PIP5K1B: variants seen among roughly 807,000 people sequenced by gnomAD.
PIP5K1B encodes phosphatidylinositol-4-phosphate 5-kinase type 1 beta.
A neutral mutation model predicts 67.0 loss-of-function variants in PIP5K1B; 42 were observed. The ratio of observed to expected loss-of-function variants is 0.63; its 90% CI spans 0.49 to 0.81. PIP5K1B has a LOEUF of 0.81. Ranked by LOEUF, PIP5K1B falls within the 30% of genes least tolerant of loss-of-function variation. The pLI is 0.00. For synonymous variants in PIP5K1B, 214 were observed against 231.4 expected (o/e 0.92, Z 0.68); for missense variants, 459 against 646.3 (o/e 0.71, Z 3.14).
At chr9:68,847,234 G>A (rs1822236779) in intron 4 of PIP5K1B, among the ~76,000 whole-genome samples, 1 of 151,336 alleles carries the variant, frequency 6.6e-6, no homozygotes, top group South Asian at 2.1e-4. Context: ...GAGGTCAGTT[G>A]GTGGGATGAA....
At chr9:68,892,761 A>C (rs1824862714) in intron 7 of PIP5K1B, among the ~76,000 whole-genome samples, 1 of 152,210 alleles carries the variant, frequency 6.6e-6, no homozygotes, top group African/African-American at 2.4e-5. Context: ...GTAAATAAAC[A>C]TGACCACATC....
chr9:68,980,337 C>G (rs1228286946), intron 14 of PIP5K1B, among the ~76,000 whole-genome samples: 3 of 152,206 alleles, frequency 2.0e-5, no homozygotes, highest in Non-Finnish European at 4.4e-5. Context: ...GTCTTTGCAG[C>G]CATTAAGTGA....
chr9:68,830,747 G>T (rs1587520042), intron 4 of PIP5K1B, among the ~76,000 whole-genome samples: 1 of 152,212 alleles, frequency 6.6e-6, no homozygotes, highest in Admixed American at 6.5e-5. Flanking sequence ...GGAGGTTGGG[G>T]TGTTCAGTGT....
chr9:68,889,165 T>C (rs1042456198), intron 7 of PIP5K1B, 32 bp downstream of exon 7: 19 of 1,545,426 alleles, frequency 1.2e-5, no homozygotes, highest in Non-Finnish European at 1.5e-5. Flanking sequence ...ATGCTTCTAC[T>C]TGAAGTTTAA....
chr9:68,913,799 G>A (rs1825962720), intron 8 of PIP5K1B, among the ~76,000 whole-genome samples: 1 of 152,030 alleles, frequency 6.6e-6, no homozygotes, highest in African/African-American at 2.4e-5. Context: ...GAAGAGTACA[G>A]AGGAGATGAA....
chr9:68,822,974 C>T (rs565937315), intron 4 of PIP5K1B, among the ~76,000 whole-genome samples: 4 of 152,176 alleles, frequency 2.6e-5, no homozygotes, highest in South Asian at 2.1e-4. Flanking sequence ...TTGTCTTTTC[C>T]GGCTTCTAGA....
At position 68,937,163 on chromosome 9, in the gene PIP5K1B, T is replaced by C. The variant is rs563021216; in HGVS notation, c.1357+2118T>C. On this transcript the variant is annotated intron_variant, in intron 13 of 15. Coordinates refer to ENST00000265382, the MANE Select transcript of PIP5K1B (RefSeq NM_003558.4). ...GAGGATTCCCCCTTTTTCTATTGTT[T>C]GGAATAGTTTCAGAAGAAATGGTAT... Among the ~76,000 whole-genome samples the C allele has an allele frequency of 3.9e-5, 6 of 152,340 alleles. No individual in the cohort carries two copies. The South Asian group carries it at 1.0e-3, about 26-fold the overall frequency.
rs117534125 is a variant in PIP5K1B, at chr9:68,962,973, C to A, written c.1502+22183C>A. On this transcript the variant is annotated intron_variant, in intron 14 of 15. Transcript: ENST00000265382. ...CTCCAGTCTCTAAAACCTTATGATTCTGTTTCTTTCTCAACTTAAAATGCC... is the reference window on the plus strand; with the variant it reads ...CTCCAGTCTCTAAAACCTTATGATTATGTTTCTTTCTCAACTTAAAATGCC... 5.2e-3 allele frequency among the ~76,000 whole-genome samples: 786 copies of A among 152,282 alleles called. 3 individuals are homozygous for A. The highest frequency in any genetic ancestry group is 8.9e-3 in the Admixed American group (136 of 15,302).
rs143589137 is a variant in PIP5K1B, at chr9:68,706,711, G to A, written c.-243+949G>A. Among the ~76,000 whole-genome samples, 225 of 152,226 alleles carry A rather than the reference G, an allele frequency of 1.5e-3. 1 individual carries two copies. The highest frequency in any genetic ancestry group is 4.0e-3 in the South Asian group (19 of 4,810). On this transcript the variant is annotated intron_variant, in intron 1 of 15. Coordinates refer to ENST00000265382, the MANE Select transcript of PIP5K1B (RefSeq NM_003558.4). ...ATGCAGGAGGCCCTAGCTTTAAGGGGAATGATCCTTAAGGGACCGGTAGGA... is the reference window on the plus strand; with the variant it reads ...ATGCAGGAGGCCCTAGCTTTAAGGGAAATGATCCTTAAGGGACCGGTAGGA...
At position 68,790,565 on chromosome 9, in the gene PIP5K1B, TG is replaced by T. The variant is rs1325504132; in HGVS notation, c.-85-27895del. On this transcript the variant is annotated intron_variant, in intron 2 of 15. Transcript: ENST00000265382. ...CAGATAATGTCAAATAATTGGGTCT[TG>T]TGTATGTACACCCAAACGCACATGA... 2.0e-4 allele frequency among the ~76,000 whole-genome samples: 30 copies of T among 151,982 alleles called. 1 individual carries two copies. The highest frequency in any genetic ancestry group is 6.8e-4 in the African/African-American group (28 of 41,398).
At chr9:68,825,814 G>T (rs1215053279) in intron 4 of PIP5K1B, among the ~76,000 whole-genome samples, 1 of 152,192 alleles carries the variant, frequency 6.6e-6, no homozygotes, top group Non-Finnish European at 1.5e-5. Context: ...AACCAATGTT[G>T]TTAGAATTAA....
intron 14 of PIP5K1B, among the ~76,000 whole-genome samples, chr9:68,955,202 A>G (rs186333971): frequency 1.1e-4 from 16 of 152,332 alleles, no homozygotes; most frequent in Admixed American, 2.6e-4. Context: ...AAAATGTTTC[A>G]TAATTATCCA....
chr9:68,724,407 G>GT (rs1005538051), intron 1 of PIP5K1B, among the ~76,000 whole-genome samples: 6 of 151,754 alleles, frequency 4.0e-5, no homozygotes, highest in Admixed American at 2.6e-4. Flanking sequence ...TTTTAGGATT[G>GT]TTTTTTCTAT....
chr9:68,810,634 G>T (rs1298752639), intron 2 of PIP5K1B, among the ~76,000 whole-genome samples: 1 of 152,120 alleles, frequency 6.6e-6, no homozygotes, highest in Non-Finnish European at 1.5e-5. Flanking sequence ...AAAATACTGA[G>T]TTTTATGGCC....
At chr9:68,918,978 C>T (rs994551986) in intron 9 of PIP5K1B, among the ~76,000 whole-genome samples, 1 of 152,096 alleles carries the variant, frequency 6.6e-6, no homozygotes, top group Non-Finnish European at 1.5e-5. Flanking sequence ...CACACACACA[C>T]ATACTAGAAA....
At chr9:68,739,196 A>G (rs1229726419) in intron 1 of PIP5K1B, among the ~76,000 whole-genome samples, 1 of 152,228 alleles carries the variant, frequency 6.6e-6, no homozygotes, top group African/African-American at 2.4e-5. Flanking sequence ...TCTTCACATT[A>G]TCATTTGTAA....
intron 8 of PIP5K1B, among the ~76,000 whole-genome samples, chr9:68,916,171 T>G (rs11144274): frequency 0.094 from 14,353 of 152,270 alleles, 880 homozygotes; most frequent in Non-Finnish European, 0.14. Flanking sequence ...CAACCAGGGT[T>G]GTCTTGCTTT....
In PIP5K1B at chr9:68,956,934, G is replaced by A. The variant is rs368270347; in HGVS notation, c.1502+16144G>A. On this transcript the variant is annotated intron_variant, in intron 14 of 15. Transcript: ENST00000265382. ...TCTCCTCTGTGTTCCCCAGAGGGCA[G>A]TACAAATATTACCGCCCACTGTGAT... 4.6e-5 allele frequency among the ~76,000 whole-genome samples: 7 copies of A among 152,096 alleles called. No homozygotes were observed. In the East Asian group the frequency reaches 1.2e-3, roughly 25 times the overall value.
chr9:68,849,333 A>G lies in PIP5K1B; in HGVS notation c.70-14504A>G, dbSNP rs192514616. 4.9e-3 allele frequency among the ~76,000 whole-genome samples: 745 copies of G among 152,046 alleles called. 4 individuals carry two copies. The highest frequency in any genetic ancestry group is 0.017 in the African/African-American group (687 of 41,446). ...TAGATGGAAGCATAGTATTTGGGGG[A>G]AAAAAAAGCAAGCTGAAACAAAGTA... is the stretch of plus-strand genomic sequence containing the variant. On this transcript the variant is annotated intron_variant, in intron 4 of 15. Transcript: ENST00000265382.
Sources: allele counts gnomAD v4.1 joint callset (sites outside exome capture counted in the v4.1 genomes callset), GRCh38; gene constraint gnomAD v4.1.1; transcripts MANE v1.5; gene names NCBI Gene and HGNC (gene_info 2026-07-23, HGNC 2026-07-21).